The following ESYT2 variants were observed in gnomAD, a reference collection of about 807,000 sequenced individuals.
The protein encoded by ESYT2 is extended synaptotagmin-2.
Under a neutral mutation model 107.2 loss-of-function variants are expected in ESYT2, and 54 were observed. The ratio of observed to expected loss-of-function variants is 0.50; its 90% CI spans 0.40 to 0.63. The LOEUF (loss-of-function observed/expected upper bound fraction) is 0.63. ESYT2 is among the 30% of genes least tolerant of loss of function. The probability of loss-of-function intolerance (pLI) is 0.00; values close to 1 mark genes in which losing one functional copy is unlikely to be tolerated. For missense variants in ESYT2, 1,020 were observed against 1,094.5 expected, an observed-to-expected ratio of 0.93 and a Z score of 0.96; for synonymous variants, 491 against 434.1, an observed-to-expected ratio of 1.13 and a Z score of -1.63.
In ESYT2 at chr7:158,816,134, G is replaced by A. The variant is rs1199967830; in HGVS notation, c.330+12955C>T. 2.6e-5 allele frequency among the ~76,000 whole-genome samples: 4 copies of A among 152,276 alleles called. No homozygotes were observed. In the East Asian group the frequency reaches 7.7e-4, roughly 29 times the overall value. On this transcript the variant is annotated intron_variant, in intron 1 of 22. Transcript: ENST00000275418. ...TGCCATCTCCAGTATCCTTAAAAAC[G>A]GAGGAAGTCCAGCCTGGGCAACACA... is the stretch of plus-strand genomic sequence containing the variant.
chr7:158,770,137 C>G (rs963981475), intron 7 of ESYT2, among the ~76,000 whole-genome samples: 1 of 151,898 alleles, frequency 6.6e-6, no homozygotes, highest in Non-Finnish European at 1.5e-5. Flanking sequence ...GCGATCCACC[C>G]GCCTCAGCCT....
chr7:158,788,059 A>C lies in ESYT2; in HGVS notation c.692T>G (p.Leu231Trp). The C allele has an allele frequency of 6.2e-7, 1 of 1,614,164 alleles. No homozygotes were observed. The highest frequency in any genetic ancestry group is 8.5e-7 in the Non-Finnish European group (1 of 1,179,986). Residue 231 changes from leucine (L) to tryptophan (W), a missense_variant, in exon 6 of 23, where the codon TTG becomes TGG. By Grantham distance (61) the Leu-to-Trp change is moderately conservative. Coordinates refer to ENST00000275418, the MANE Select transcript of ESYT2 (RefSeq NM_001367773.1). ...HGTMRVILEP[L>W]IGDMPLVGAL... The stretch of plus-strand genomic sequence containing the variant: ...TCCAACTAAGGGCATATCTCCAATC[A>C]ACGGTTCCAGGATCACCCGCATGGT...
At chr7:158,774,843 G>A (rs539598072) in intron 6 of ESYT2, among the ~76,000 whole-genome samples, 1 of 152,314 alleles carries the variant, frequency 6.6e-6, no homozygotes, top group South Asian at 2.1e-4. Flanking sequence ...ACTGGTGACT[G>A]CTCCATCCGC....
intron 3 of ESYT2, among the ~76,000 whole-genome samples, chr7:158,796,962 AGGGGCACC>A: frequency 2.4e-4 from 1 of 4,190 alleles, no homozygotes; most frequent in African/African-American, 4.0e-4. Context: ...AGAGACAGGA[AGGGGCACC>A]ACAGGCGAGA....
chr7:158,817,090 A>C (rs967729702), intron 1 of ESYT2, among the ~76,000 whole-genome samples: 4 of 152,222 alleles, frequency 2.6e-5, no homozygotes, highest in African/African-American at 9.7e-5. Flanking sequence ...CAAAAAGAAA[A>C]TTCTAAGCTC....
Position 158,764,730 on chromosome 7 carries a change from G to T in ESYT2, c.1048C>A (p.Gln350Lys), listed in dbSNP as rs775217810. ...AGGTTCTCCTTGATGACTCTGCTTT[G>T]GAAGATTTGGTTGCCAACTCTAATG... Reference protein sequence around the residue: ...GIIRVGNQIFQSRVIKENLSP... With the variant: ...GIIRVGNQIFKSRVIKENLSP... The change falls in exon 9 of 23, where the codon CAA (glutamine) becomes AAA (lysine). Residue 350 changes from glutamine (Q) to lysine (K), a missense_variant. Coordinates refer to ENST00000275418, the MANE Select transcript of ESYT2 (RefSeq NM_001367773.1). 1 of 1,614,122 alleles carries T rather than the reference G, an allele frequency of 6.2e-7. No homozygotes were observed. Among genetic ancestry groups the T allele is most frequent in the Admixed American group, 1.7e-5 (1 of 60,018 alleles).
chr7:158,829,238 T>G lies in ESYT2; in HGVS notation c.181A>C (p.Ser61Arg). 6.5e-7 allele frequency: 1 copy of G among 1,528,784 alleles called. No homozygotes were observed. Among genetic ancestry groups the G allele is most frequent in the Non-Finnish European group, 8.7e-7 (1 of 1,146,112 alleles). The allele number at this position is 1,528,784 out of a possible 1,614,324, so 94.7% of individuals were successfully genotyped here. ...AGCGCGAGCGCGAGGAGAACCCAGC[T>G]GAAGCTGAGCCCCAGGTAGCCCAGC... Reference protein sequence around the residue: ...YALGYLGLSFSWVLLALALLA... With the variant: ...YALGYLGLSFRWVLLALALLA... Residue 61 changes from serine (S) to arginine (R), a missense_variant, in exon 1 of 23, where the codon AGC (serine) becomes CGC (arginine). Transcript: ENST00000275418.
chr7:158,797,720 G>A (rs1406738184), intron 3 of ESYT2, among the ~76,000 whole-genome samples: 1 of 152,050 alleles, frequency 6.6e-6, no homozygotes, highest in Non-Finnish European at 1.5e-5. Flanking sequence ...CGGGCGTGGT[G>A]GAGGGCGCCT....
chr7:158,804,441 G>A lies in ESYT2; in HGVS notation c.331-5369C>T, dbSNP rs1202154878. On this transcript the variant is annotated intron_variant, in intron 1 of 22. Coordinates refer to ENST00000275418, the MANE Select transcript of ESYT2 (RefSeq NM_001367773.1). The stretch of plus-strand genomic sequence containing the variant: ...AGGCACGTGACAAACCCAAACTGCC[G>A]AGAAAGGTGAGGTGTGTGACAAACC... 4.0e-5 allele frequency among the ~76,000 whole-genome samples: 6 copies of A among 148,206 alleles called. 1 individual carries two copies. The highest frequency in any genetic ancestry group is 7.6e-5 in the African/African-American group (3 of 39,422).
intron 4 of ESYT2, among the ~76,000 whole-genome samples, chr7:158,790,567 C>T (rs1263494340): frequency 1.3e-5 from 2 of 152,176 alleles, no homozygotes; most frequent in African/African-American, 4.8e-5. Context: ...TTTTATTATG[C>T]TAGGCATGGC....
intron 1 of ESYT2, among the ~76,000 whole-genome samples, chr7:158,809,504 G>GGGAT (rs1205097334): frequency 7.2e-6 from 1 of 139,618 alleles, no homozygotes; most frequent in African/African-American, 2.6e-5. Context: ...AAAACCAGGG[G>GGGAT]GGATGAGGGG....
intron 6 of ESYT2, among the ~76,000 whole-genome samples, chr7:158,773,992 C>G (rs1838464539): frequency 6.6e-6 from 1 of 152,174 alleles, no homozygotes; most frequent in South Asian, 2.1e-4. Flanking sequence ...CATGCTCTAC[C>G]CACTCATTCA....
chr7:158,827,838 A>C (rs192361038), intron 1 of ESYT2, among the ~76,000 whole-genome samples: 2 of 152,334 alleles, frequency 1.3e-5, no homozygotes, highest in Admixed American at 1.3e-4. Flanking sequence ...TATTAAGCCT[A>C]ATGGAAGAAT....
At chr7:158,755,522 A>G (rs1370851691) in intron 13 of ESYT2, among the ~76,000 whole-genome samples, 1 of 152,218 alleles carries the variant, frequency 6.6e-6, no homozygotes, top group African/African-American at 2.4e-5. Flanking sequence ...ATAAACTAAC[A>G]GTTTACACAG....
At chr7:158,747,157 G>A (rs1460803337) in intron 16 of ESYT2, among the ~76,000 whole-genome samples, 1 of 151,980 alleles carries the variant, frequency 6.6e-6, no homozygotes, top group African/African-American at 2.4e-5. Flanking sequence ...GCCAAGCCTG[G>A]CCAACATGGT....
intron 1 of ESYT2, among the ~76,000 whole-genome samples, chr7:158,816,814 T>C (rs914896099): frequency 2.6e-5 from 4 of 152,214 alleles, no homozygotes; most frequent in Admixed American, 2.0e-4. Flanking sequence ...AATTCCAAGA[T>C]CTTTATATGT....
intron 3 of ESYT2, among the ~76,000 whole-genome samples, chr7:158,797,073 A>G (rs9690420): frequency 0.15 from 1,332 of 9,014 alleles, 48 homozygotes; most frequent in East Asian, 0.47. Flanking sequence ...AAAAGGCACC[A>G]CGGCTGGAGG....
chr7:158,804,982 GTAT>G (rs1839783858), intron 1 of ESYT2, among the ~76,000 whole-genome samples: 1 of 152,150 alleles, frequency 6.6e-6, no homozygotes, highest in South Asian at 2.1e-4. Context: ...ATGAGAAAAA[GTAT>G]TAGGGACAGT....
At chr7:158,738,373 ACACACT>A (rs1164202620) in intron 19 of ESYT2, among the ~76,000 whole-genome samples, 1 of 142,022 alleles carries the variant, frequency 7.0e-6, no homozygotes, top group East Asian at 2.1e-4. Flanking sequence ...ACACACACAC[ACACACT>A]CTTCCTGCTC....
Sources: gnomAD v4.1 joint callset for allele counts (sites outside exome capture counted in the v4.1 genomes callset) on GRCh38, gnomAD v4.1.1 for gene constraint, MANE v1.5 for transcripts, NCBI Gene and HGNC (gene_info 2026-07-23, HGNC 2026-07-21) for gene names.